GAS7: variants seen among roughly 807,000 people sequenced by gnomAD.
GAS7 encodes the protein growth arrest specific 7, also known as growth arrest-specific protein 7.
In GAS7, 28 loss-of-function variants were observed where a neutral mutation model predicts 71.1. That is an observed-to-expected ratio of 0.39 (90% CI 0.29 to 0.54). GAS7 has a LOEUF of 0.54. GAS7 is among the 20% of genes least tolerant of loss of function. GAS7 has a pLI of 0.62. For synonymous variants in GAS7, 258 were observed against 245.8 expected (o/e 1.05, Z -0.46); for missense variants, 436 against 627.8 (o/e 0.69, Z 3.27).
chr17:9,940,513 C>T (rs2068564799), intron 7 of GAS7, among the ~76,000 whole-genome samples: 1 of 152,134 alleles, frequency 6.6e-6, no homozygotes, highest in South Asian at 2.1e-4. Context: ...AACATAAGAC[C>T]CCTGAACCAA....
chr17:10,032,068 A>C (rs1345448472), intron 1 of GAS7, among the ~76,000 whole-genome samples: 4 of 148,546 alleles, frequency 2.7e-5, no homozygotes, highest in Non-Finnish European at 5.9e-5. Flanking sequence ...GGAAGCAGGG[A>C]CTGCTTCCCC....
At chr17:10,075,360 A>G (rs910364898) in intron 1 of GAS7, among the ~76,000 whole-genome samples, 1 of 151,880 alleles carries the variant, frequency 6.6e-6, no homozygotes, top group Non-Finnish European at 1.5e-5. Context: ...GTCTCACAAA[A>G]AAAAAAAAGA....
chr17:9,927,294 C>CACACACAT (rs1567781768), intron 9 of GAS7, among the ~76,000 whole-genome samples: 1 of 125,494 alleles, frequency 8.0e-6, no homozygotes, highest in African/African-American at 3.5e-5. Context: ...ACTACATACA[C>CACACACAT]ACACACACAC....
chr17:9,985,176 A>C (rs928578309), intron 2 of GAS7, among the ~76,000 whole-genome samples: 1 of 152,116 alleles, frequency 6.6e-6, no homozygotes, highest in Non-Finnish European at 1.5e-5. Flanking sequence ...CTCCAGAGCC[A>C]GTCTCCCTGC....
rs540582613 is a variant in GAS7, at chr17:10,130,042, G to A, written c.183+68166C>T. ...CAATTAGCCAGGTGTGGTGGCGCGC[G>A]CCTGTAATCCCAGCTACTTGGGAGG... On this transcript the variant is annotated intron_variant, in intron 1 of 13. Coordinates refer to ENST00000432992, the MANE Select transcript of GAS7 (RefSeq NM_201433.2). Among the ~76,000 whole-genome samples, 32 of 151,928 alleles carry A rather than the reference G, an allele frequency of 2.1e-4. 1 individual carries two copies. Among genetic ancestry groups the A allele is most frequent in the South Asian group, 1.0e-3 (5 of 4,810 alleles).
In GAS7 at chr17:9,926,843, GA is replaced by G; in HGVS notation, c.886-75del. The G allele has an allele frequency of 6.5e-7, 1 of 1,539,108 alleles. No individual in the cohort carries two copies. The highest frequency in any genetic ancestry group is 9.0e-7 in the Non-Finnish European group (1 of 1,113,510). On this transcript the variant is annotated intron_variant, in intron 9 of 13. Transcript: ENST00000432992. The surrounding 1 kb of genome is among the most constrained non-coding windows in gnomAD (Gnocchi z 5.0). The stretch of plus-strand genomic sequence containing the variant: ...AAGCCAGTGCAGGGAGGAGGGATGG[GA>G]GGGGCACCCCCACTTCCCCAGGCAA...
rs143891580 is a variant in GAS7, at chr17:9,967,156, G to A, written c.471+2521C>T. Reference sequence around the variant, plus strand: ...TCGCCTCTCCTGAATTCCCCATACTGGTACCTACTTTGTAGCTTTTTTTTT... The same window carrying A: ...TCGCCTCTCCTGAATTCCCCATACTAGTACCTACTTTGTAGCTTTTTTTTT... On this transcript the variant is annotated intron_variant, in intron 4 of 13. Coordinates refer to ENST00000432992, the MANE Select transcript of GAS7 (RefSeq NM_201433.2). 2.4e-3 allele frequency among the ~76,000 whole-genome samples: 347 copies of A among 142,048 alleles called. 3 individuals carry two copies. Among genetic ancestry groups the A allele is most frequent in the Middle Eastern group, 0.011 (3 of 274 alleles). The allele number at this position is 142,048 out of a possible 152,430, so 93.2% of individuals were successfully genotyped here. A position where few individuals can be genotyped will look rare whatever the true frequency, so the allele number is the denominator to read the frequency against.
intron 1 of GAS7, among the ~76,000 whole-genome samples, chr17:10,163,511 A>G (rs777170309): frequency 1.4e-4 from 21 of 152,356 alleles, no homozygotes; most frequent in Non-Finnish European, 2.9e-4. Context: ...TCTGGCTACA[A>G]AAATGCTTGA....
intron 1 of GAS7, among the ~76,000 whole-genome samples, chr17:10,093,497 A>C (rs540490049): frequency 7.2e-6 from 1 of 138,722 alleles, no homozygotes; most frequent in Non-Finnish European, 1.5e-5. Context: ...TGAACCCAGG[A>C]GGCAGAGGTT....
intron 2 of GAS7, among the ~76,000 whole-genome samples, chr17:10,004,404 C>T (rs1308620012): frequency 6.6e-6 from 1 of 152,152 alleles, no homozygotes; most frequent in East Asian, 1.9e-4. Flanking sequence ...GGACCTAACC[C>T]TTTAAAAGCT....
intron 5 of GAS7, among the ~76,000 whole-genome samples, chr17:9,954,856 TG>T (rs139744537): frequency 0.015 from 2,262 of 151,996 alleles, 54 homozygotes; most frequent in African/African-American, 0.052. Context: ...TTCCATCCAT[TG>T]GGATGGAAGA....
At chr17:10,102,223 A>G (rs2073708770) in intron 1 of GAS7, among the ~76,000 whole-genome samples, 1 of 151,210 alleles carries the variant, frequency 6.6e-6, no homozygotes, top group Admixed American at 6.6e-5. Flanking sequence ...AAAAAAAAAA[A>G]AAAAAAAAGA....
chr17:9,963,473 TG>T (rs1398972008), intron 4 of GAS7, among the ~76,000 whole-genome samples: 1 of 151,830 alleles, frequency 6.6e-6, no homozygotes, highest in Non-Finnish European at 1.5e-5. Flanking sequence ...AGTTTTTTGG[TG>T]GGGGAAGAGA....
At chr17:10,098,677 T>C (rs2073668411) in intron 1 of GAS7, among the ~76,000 whole-genome samples, 1 of 152,100 alleles carries the variant, frequency 6.6e-6, no homozygotes, top group South Asian at 2.1e-4. Flanking sequence ...ATAAAACAGG[T>C]GGCCGGGCGC....
At chr17:10,004,630 C>T (rs2071396506) in intron 2 of GAS7, among the ~76,000 whole-genome samples, 1 of 152,206 alleles carries the variant, frequency 6.6e-6, no homozygotes, top group Non-Finnish European at 1.5e-5. Flanking sequence ...TGCTTCATAC[C>T]TGTTGACTAA....
At chr17:10,059,649 A>G in intron 1 of GAS7, 3 of 977,858 alleles carry the variant, frequency 3.1e-6, no homozygotes, top group South Asian at 4.7e-5. Context: ...AGCTTCGAGC[A>G]TCTGCATCAA....
intron 1 of GAS7, among the ~76,000 whole-genome samples, chr17:10,045,740 C>T (rs778971119): frequency 6.6e-6 from 1 of 152,164 alleles, no homozygotes; most frequent in Admixed American, 6.5e-5. Flanking sequence ...AGAAACGGCA[C>T]CCAGTTGAAA....
chr17:10,114,298 C>A (rs17760174), intron 1 of GAS7: 23,703 of 152,178 alleles, frequency 0.16, 2,386 homozygotes, highest in Admixed American at 0.24. Context: ...GTTACCAGAG[C>A]ACACAGCCCT....
chr17:10,022,292 G>GTT (rs1338685191), intron 1 of GAS7, among the ~76,000 whole-genome samples: 1 of 152,148 alleles, frequency 6.6e-6, no homozygotes, highest in African/African-American at 2.4e-5. Context: ...AGGCATGAGT[G>GTT]TTTGATGAAA....
Sources: gnomAD v4.1 joint callset for allele counts (sites outside exome capture counted in the v4.1 genomes callset) on GRCh38, gnomAD v4.1.1 for gene constraint, Gnocchi (gnomAD v3.1) non-coding constraint, MANE v1.5 for transcripts, NCBI Gene and HGNC (gene_info 2026-07-23, HGNC 2026-07-21) for gene names.